HTR7: variants seen among roughly 807,000 people sequenced by gnomAD.
HTR7 encodes the protein 5-HT-7.
A neutral mutation model predicts 34.0 loss-of-function variants in HTR7; 16 were observed. The ratio of observed to expected loss-of-function variants is 0.47; its 90% CI spans 0.32 to 0.71. The LOEUF (loss-of-function observed/expected upper bound fraction) is 0.71. HTR7 is among the 30% of genes least tolerant of loss of function. The pLI is 0.04. For synonymous variants in HTR7, 265 were observed against 260.2 expected, an observed-to-expected ratio of 1.02 and a Z score of -0.18; for missense variants, 504 against 625.5, an observed-to-expected ratio of 0.81 and a Z score of 2.07.
intron 2 of HTR7, among the ~76,000 whole-genome samples, chr10:90,744,463 T>G (rs777755238): frequency 1.3e-4 from 20 of 151,858 alleles, no homozygotes; most frequent in Admixed American, 2.6e-4. Context: ...CTTGACCATT[T>G]TGATGACTCC....
chr10:90,781,357 G>A (rs748245781), intron 1 of HTR7, among the ~76,000 whole-genome samples: 9 of 152,010 alleles, frequency 5.9e-5, no homozygotes, highest in Admixed American at 2.0e-4. Context: ...AATTTAAGCC[G>A]AACCCCTAAC....
chr10:90,840,660 A>T (rs749867565), intron 1 of HTR7, among the ~76,000 whole-genome samples: 5 of 152,240 alleles, frequency 3.3e-5, no homozygotes, highest in Non-Finnish European at 7.3e-5. Flanking sequence ...CTAGAGAAGC[A>T]TAATATTAAC....
intron 1 of HTR7, among the ~76,000 whole-genome samples, chr10:90,846,492 G>T (rs1163905259): frequency 6.6e-6 from 1 of 152,166 alleles, no homozygotes; most frequent in Non-Finnish European, 1.5e-5. Context: ...CAATTCTGTG[G>T]AGTTGACAGT....
chr10:90,831,443 T>C (rs894285031), intron 1 of HTR7, among the ~76,000 whole-genome samples: 1 of 151,776 alleles, frequency 6.6e-6, no homozygotes, highest in Non-Finnish European at 1.5e-5. Context: ...ACTTCAGGAG[T>C]GAAGCTGCAA....
chr10:90,749,730 G>T lies in HTR7; in HGVS notation c.540-136C>A. On this transcript the variant is annotated intron_variant, in intron 1 of 3. Coordinates refer to ENST00000336152, the MANE Select transcript of HTR7 (RefSeq NM_019859.4). This position sits in a 1 kb window ranked among gnomAD's most constrained non-coding sequence, Gnocchi z 4.2. ...TAGGCATCATTACTCCCATTTTGCA[G>T]AAAGGTAAACTAAGGCTCTGAGATG... The T allele has an allele frequency of 1.3e-6, 1 of 759,332 alleles. No individual in the cohort carries two copies. Among genetic ancestry groups the T allele is most frequent in the Non-Finnish European group, 2.1e-6 (1 of 471,858 alleles). The allele number at this position is 759,332 out of a possible 1,614,324, so 47.0% of individuals were successfully genotyped here. A position where few individuals can be genotyped will look rare whatever the true frequency, so the allele number is the denominator to read the frequency against.
intron 1 of HTR7, among the ~76,000 whole-genome samples, chr10:90,846,157 G>T (rs1415811629): frequency 6.6e-6 from 1 of 152,138 alleles, no homozygotes; most frequent in East Asian, 1.9e-4. Flanking sequence ...TGGGACCTAA[G>T]TCTAAACACA....
intron 1 of HTR7, among the ~76,000 whole-genome samples, chr10:90,836,957 T>C (rs966809600): frequency 6.6e-5 from 10 of 152,154 alleles, no homozygotes; most frequent in African/African-American, 2.4e-4. Flanking sequence ...CTGTATCCTA[T>C]CCCCTGTCTT....
At chr10:90,847,010 T>C (rs1439147937) in intron 1 of HTR7, among the ~76,000 whole-genome samples, 1 of 152,256 alleles carries the variant, frequency 6.6e-6, no homozygotes, top group Admixed American at 6.5e-5. Flanking sequence ...TGGCATCTGC[T>C]GCTCCTTTGA....
At chr10:90,840,650 C>T (rs1209695410) in intron 1 of HTR7, among the ~76,000 whole-genome samples, 2 of 152,298 alleles carry the variant, frequency 1.3e-5, no homozygotes, top group East Asian at 3.9e-4. Flanking sequence ...ATGTTCCTTA[C>T]TAGAGAAGCA....
At position 90,748,854 on chromosome 10, in the gene HTR7, C is replaced by T. The variant is rs764438254; in HGVS notation, c.1280G>A (p.Arg427Lys). ...EALKLAERPERPEFVLRACTR... is the reference protein window; with the variant it reads ...EALKLAERPEKPEFVLRACTR... ...ATGACCTTACAGCACAAACTCAGGT[C>T]TCTCTGGCCTCTCAGCAAGCTTCAG... Residue 427 changes from arginine to lysine, a missense_variant, in exon 2 of 4, where the codon AGA (arginine) becomes AAA (lysine). Around this residue, in one of 4 missense-constraint regions of HTR7, gnomAD observed 154 missense variants for 212.1 expected, o/e 0.73. Transcript: ENST00000336152. 2 of 1,612,826 alleles carry T rather than the reference C, an allele frequency of 1.2e-6. No homozygotes were observed. The highest frequency in any genetic ancestry group is 3.3e-5 in the Admixed American group (2 of 59,716).
intron 1 of HTR7, among the ~76,000 whole-genome samples, chr10:90,751,521 G>GGTGC (rs1245472657): frequency 6.6e-6 from 1 of 152,084 alleles, no homozygotes; most frequent in Non-Finnish European, 1.5e-5. Flanking sequence ...AGCCCAGGAT[G>GGTGC]GTGCCTCAGG....
At chr10:90,830,933 C>G (rs1846159593) in intron 1 of HTR7, among the ~76,000 whole-genome samples, 1 of 152,194 alleles carries the variant, frequency 6.6e-6, no homozygotes, top group Non-Finnish European at 1.5e-5. Context: ...GTTGGAGGAT[C>G]TCCAGACAAG....
intron 1 of HTR7, among the ~76,000 whole-genome samples, chr10:90,771,613 G>A (rs1845113015): frequency 2.6e-5 from 4 of 152,202 alleles, no homozygotes; most frequent in Admixed American, 2.0e-4. Flanking sequence ...CTCCCAGAGA[G>A]CTGACGCCCA....
chr10:90,822,709 G>GCAGCCCCTCCCAT (rs1846004179), intron 1 of HTR7, among the ~76,000 whole-genome samples: 1 of 152,228 alleles, frequency 6.6e-6, no homozygotes. Context: ...GACTTTAACA[G>GCAGCCCCTCCCAT]CAGCCCCTCC....
chr10:90,807,822 C>G (rs1845728059), intron 1 of HTR7, among the ~76,000 whole-genome samples: 1 of 152,142 alleles, frequency 6.6e-6, no homozygotes, highest in Admixed American at 6.5e-5. Context: ...TGAAAAAGAT[C>G]CACCTACGAC....
chr10:90,760,957 ATAG>A (rs1224946220), intron 1 of HTR7, among the ~76,000 whole-genome samples: 6 of 152,228 alleles, frequency 3.9e-5, no homozygotes, highest in Non-Finnish European at 7.3e-5. Flanking sequence ...AAATGAAAAA[ATAG>A]TAGCTCTGAC....
intron 1 of HTR7, among the ~76,000 whole-genome samples, chr10:90,776,158 TGGCAGGTGTAGACAATAG>T (rs1845205177): frequency 6.6e-6 from 1 of 152,212 alleles, no homozygotes; most frequent in African/African-American, 2.4e-5. Flanking sequence ...ATATAGGATA[TGGCAGGTGTAGACAATAG>T]GGTCTACCTG....
chr10:90,831,797 G>A (rs1465845898), intron 1 of HTR7, among the ~76,000 whole-genome samples: 1 of 152,168 alleles, frequency 6.6e-6, no homozygotes, highest in African/African-American at 2.4e-5. Context: ...GTCGACTGGT[G>A]TATTTACAAA....
intron 1 of HTR7, among the ~76,000 whole-genome samples, chr10:90,760,754 A>G (rs1035753418): frequency 2.5e-4 from 38 of 152,110 alleles, no homozygotes; most frequent in African/African-American, 9.2e-4. Context: ...GGTGGTGGGC[A>G]TCTGTAATCC....
Sources: gnomAD v4.1 joint callset for allele counts (sites outside exome capture counted in the v4.1 genomes callset) on GRCh38, gnomAD v4.1.1 for gene constraint, gnomAD v4.1.1 regional missense constraint, Gnocchi (gnomAD v3.1) non-coding constraint, MANE v1.5 for transcripts, NCBI Gene and HGNC (gene_info 2026-07-23, HGNC 2026-07-21) for gene names.